SMIM12: variants seen among roughly 807,000 people sequenced by gnomAD.
SMIM12 encodes the protein small integral membrane protein 12, also known as UPF0767 protein C1orf212.
Under a neutral mutation model 6.3 loss-of-function variants are expected in SMIM12, and 5 were observed. The observed-to-expected ratio is 0.80, with a 90% confidence interval of 0.42 to 1.68. SMIM12 has a LOEUF of 1.68. Ranked by LOEUF, SMIM12 falls within the 40% of genes most tolerant of loss-of-function variation. SMIM12 has a pLI of 0.02. For missense variants in SMIM12, 103 were observed against 121.4 expected, an observed-to-expected ratio of 0.85 and a Z score of 0.71; for synonymous variants, 51 against 48.0, an observed-to-expected ratio of 1.06 and a Z score of -0.26.
In SMIM12 at chr1:34,854,009, A is replaced by AACAAC. The variant is rs67992895; in HGVS notation, c.*1689_*1690insGTTGT. 0.28 allele frequency: 34,711 copies of AACAAC among 125,494 alleles called. 5,243 individuals carry two copies. The highest frequency in any genetic ancestry group is 0.81 in the East Asian group (3,894 of 4,826). The allele number at this position is 125,494 out of a possible 1,614,324, so 7.8% of individuals were successfully genotyped here. A position where few individuals can be genotyped will look rare whatever the true frequency, so the allele number is the denominator to read the frequency against. ...AAAACAACAACAACAACAACAACAA[A>AACAAC]AAAAAACTACAGACTGCCAGGCACG... On this transcript the variant is annotated 3_prime_UTR_variant, in exon 2 of 2. Coordinates refer to ENST00000521580, the MANE Select transcript of SMIM12 (RefSeq NM_138428.6).
chr1:34,856,014 C>A, intron 1 of SMIM12, 32 bp from the exon 2 acceptor site: 1 of 1,512,458 alleles, frequency 6.6e-7, no homozygotes, highest in Non-Finnish European at 8.9e-7. Context: ...CATTAGAGAA[C>A]CCAGCATCAT....
Position 34,853,376 on chromosome 1 carries a change from T to G in SMIM12, c.*2323A>C, listed in dbSNP as rs1355206604. ...TCTTATGCTTCTTCCTGCTCTCTGC[T>G]TTTACTCCCCTCACAGCCTTACCAG... On this transcript the variant is annotated 3_prime_UTR_variant, in exon 2 of 2. Transcript: ENST00000521580. 2 of 152,270 alleles carry G rather than the reference T, an allele frequency of 1.3e-5. No individual in the cohort carries two copies. The highest frequency in any genetic ancestry group is 4.8e-5 in the African/African-American group (2 of 41,464). The allele number at this position is 152,270 out of a possible 1,614,324, so 9.4% of individuals were successfully genotyped here. A position where few individuals can be genotyped will look rare whatever the true frequency, so the allele number is the denominator to read the frequency against.
rs1638578028 is a variant in SMIM12 at position 34,854,518 on chromosome 1, G to A, written c.*1181C>T. ...GCCCAGGAGGTCAAGGTTGCACTGA[G>A]CCGTAATTGTACTGCACTCCAGCCT... On this transcript the variant is annotated 3_prime_UTR_variant, in exon 2 of 2. Coordinates refer to ENST00000521580, the MANE Select transcript of SMIM12 (RefSeq NM_138428.6). 6.6e-6 allele frequency: 1 copy of A among 152,112 alleles called. No homozygotes were observed. The highest frequency in any genetic ancestry group is 2.1e-4 in the South Asian group (1 of 4,814). 9.4% of individuals were successfully genotyped at this position (152,112 alleles called of 1,614,324 possible). A position where few individuals can be genotyped will look rare whatever the true frequency, so the allele number is the denominator to read the frequency against.
rs1179020236 is a variant in SMIM12 at position 34,855,986 on chromosome 1, C to A, written c.-5-4G>T. The A allele has an allele frequency of 6.5e-7, 1 of 1,537,316 alleles. No homozygotes were observed. On this transcript the variant is annotated splice_polypyrimidine_tract_variant and splice_region_variant and intron_variant, in intron 1 of 1. Coordinates refer to ENST00000521580, the MANE Select transcript of SMIM12 (RefSeq NM_138428.6). ...CAAAACACAGGCCACATGACATCTG[C>A]GGAAAAGCACAAGGCAGCATTAGAG...
In SMIM12 at chr1:34,855,897, C is replaced by T; in HGVS notation, c.81G>A (p.Val27=). The T allele has an allele frequency of 1.9e-6, 3 of 1,551,678 alleles. No homozygotes were observed. Among genetic ancestry groups the T allele is most frequent in the Non-Finnish European group, 1.7e-6 (2 of 1,147,000 alleles). The part of the protein sequence containing the change: ...TFPVAFVVGA[V]GYHLEWFIRG... ...TGATGAACCATTCCAGGTGGTAACCCACAGCCCCGACCACGAAGGCAACAG... is the reference window on the plus strand; with the variant it reads ...TGATGAACCATTCCAGGTGGTAACCTACAGCCCCGACCACGAAGGCAACAG... Residue 27 remains valine, a synonymous_variant, in exon 2 of 2, where the codon GTG becomes GTA. Coordinates refer to ENST00000521580, the MANE Select transcript of SMIM12 (RefSeq NM_138428.6).
chr1:34,859,551 C>T (rs2148386107), intron 1 of SMIM12, 126 bp downstream of exon 1: 1 of 152,590 alleles, frequency 6.6e-6, no homozygotes, highest in East Asian at 1.9e-4. Flanking sequence ...CACCAGAACA[C>T]CCGCCAGAGA....
In SMIM12 at chr1:34,850,597, AAGG is replaced by A. The variant is rs34739018; in HGVS notation, c.*5099_*5101del. The stretch of plus-strand genomic sequence containing the variant: ...GACTGGCTGCCATCCCAACTAGATA[AAGG>A]AGGTTTTACTGGGCTGTAATATCTA... On this transcript the variant is annotated 3_prime_UTR_variant, in exon 2 of 2. Coordinates refer to ENST00000521580, the MANE Select transcript of SMIM12 (RefSeq NM_138428.6). 38,229 of 151,958 alleles carry A rather than the reference AAGG, an allele frequency of 0.25. 5,649 individuals carry two copies. The highest frequency in any genetic ancestry group is 0.36 in the Middle Eastern group (105 of 294). 9.4% of individuals were successfully genotyped at this position (151,958 alleles called of 1,614,324 possible).
Position 34,855,069 on chromosome 1 carries a change from T to C in SMIM12, c.*630A>G. The C allele has an allele frequency of 7.8e-7, 1 of 1,276,386 alleles. No individual in the cohort carries two copies. Among genetic ancestry groups the C allele is most frequent in the South Asian group, 1.4e-5 (1 of 72,604 alleles). The allele number at this position is 1,276,386 out of a possible 1,614,324, so 79.1% of individuals were successfully genotyped here. On this transcript the variant is annotated 3_prime_UTR_variant, in exon 2 of 2. Coordinates refer to ENST00000521580, the MANE Select transcript of SMIM12 (RefSeq NM_138428.6). Reference sequence around the variant, plus strand: ...TTATGGTTCTCAGATACCACTTTAATCAGGTTTTTCACTATACAGTGATGG... The same window carrying C: ...TTATGGTTCTCAGATACCACTTTAACCAGGTTTTTCACTATACAGTGATGG...
At chr1:34,859,026 A>T (rs913391360) in intron 1 of SMIM12, 1 of 151,388 alleles carries the variant, frequency 6.6e-6, no homozygotes, top group African/African-American at 2.4e-5. Flanking sequence ...TCCTCCACCC[A>T]CTCTCCCCCA....
In SMIM12 at chr1:34,851,995, C is replaced by T. The variant is rs1022954432; in HGVS notation, c.*3704G>A. Reference sequence around the variant, plus strand: ...CTGTCTATACCCACGTCCACATAAACCTTGCTATCTAATGTCACCCGAGCA... The same window carrying T: ...CTGTCTATACCCACGTCCACATAAATCTTGCTATCTAATGTCACCCGAGCA... On this transcript the variant is annotated 3_prime_UTR_variant, in exon 2 of 2. Transcript: ENST00000521580. Among the ~76,000 whole-genome samples, 1 of 152,224 alleles carries T rather than the reference C, an allele frequency of 6.6e-6. No individual in the cohort carries two copies. Among genetic ancestry groups the T allele is most frequent in the East Asian group, 1.9e-4 (1 of 5,196 alleles).
At position 34,855,894 on chromosome 1, in the gene SMIM12, A is replaced by C. The variant is rs1321581241; in HGVS notation, c.84T>G (p.Gly28=). Residue 28 remains glycine (G), a synonymous_variant, in exon 2 of 2, where the codon GGT becomes GGG. Transcript: ENST00000521580. Reference sequence around the variant, plus strand: ...CCCTGATGAACCATTCCAGGTGGTAACCCACAGCCCCGACCACGAAGGCAA... The same window carrying C: ...CCCTGATGAACCATTCCAGGTGGTACCCCACAGCCCCGACCACGAAGGCAA... ...FPVAFVVGAV[G]YHLEWFIRGK... is the part of the protein sequence containing the mutation. 1 of 1,551,532 alleles carries C rather than the reference A, an allele frequency of 6.4e-7. No individual in the cohort carries two copies. Among genetic ancestry groups the C allele is most frequent in the East Asian group, 2.4e-5 (1 of 40,918 alleles).
rs34535449 is a variant in SMIM12 at position 34,852,463 on chromosome 1, C to CAAAAAAA, written c.*3229_*3235dup. 2.4e-5 allele frequency among the ~76,000 whole-genome samples: 2 copies of CAAAAAAA among 81,778 alleles called. No individual in the cohort carries two copies. Among genetic ancestry groups the CAAAAAAA allele is most frequent in the Non-Finnish European group, 2.3e-5 (1 of 43,046 alleles). The allele number at this position is 81,778 out of a possible 152,430, so 53.6% of individuals were successfully genotyped here. ...TATTTGTAACAAGTTGTTAGATCGC[C>CAAAAAAA]AAAAAAAAAAAAAAAAAAAAAACCA... On this transcript the variant is annotated 3_prime_UTR_variant, in exon 2 of 2. Coordinates refer to ENST00000521580, the MANE Select transcript of SMIM12 (RefSeq NM_138428.6).
At position 34,852,867 on chromosome 1, in the gene SMIM12, G is replaced by A. The variant is rs1258883529; in HGVS notation, c.*2832C>T. On this transcript the variant is annotated 3_prime_UTR_variant, in exon 2 of 2. Transcript: ENST00000521580. ...CTAGTGTTTGGTTTAGCCCAGGGAA[G>A]TGACTGCAGGCTTGGTAATGCCCAG... The A allele has an allele frequency of 6.6e-6, 1 of 152,382 alleles. No homozygotes were observed. The highest frequency in any genetic ancestry group is 1.9e-4 in the East Asian group (1 of 5,186). The allele number at this position is 152,382 out of a possible 1,614,324, so 9.4% of individuals were successfully genotyped here.
chr1:34,855,521 C>T lies in SMIM12; in HGVS notation c.*178G>A, dbSNP rs151074017. ...GCGGCCTTCCTCTTCACTGGCCCCT[C>T]GGCTGCTGCTGGGTCTGCCTGGCCA... On this transcript the variant is annotated 3_prime_UTR_variant, in exon 2 of 2. Transcript: ENST00000521580. The T allele has an allele frequency of 5.0e-6, 8 of 1,611,070 alleles. No individual in the cohort carries two copies. In the East Asian group the frequency reaches 6.7e-5, roughly 14 times the overall value.
chr1:34,852,463 C>CAAA lies in SMIM12; in HGVS notation c.*3233_*3235dup, dbSNP rs34535449. ...TATTTGTAACAAGTTGTTAGATCGC[C>CAAA]AAAAAAAAAAAAAAAAAAAAAACCA... On this transcript the variant is annotated 3_prime_UTR_variant, in exon 2 of 2. Transcript: ENST00000521580. Among the ~76,000 whole-genome samples, 12,240 of 77,974 alleles carry CAAA rather than the reference C, an allele frequency of 0.16. 903 individuals are homozygous for CAAA. Among genetic ancestry groups the CAAA allele is most frequent in the Non-Finnish European group, 0.2 (8,054 of 40,532 alleles). 51.2% of individuals were successfully genotyped at this position (77,974 alleles called of 152,430 possible).
In SMIM12 at chr1:34,855,465, C is replaced by G. The variant is rs1385480760; in HGVS notation, c.*234G>C. On this transcript the variant is annotated 3_prime_UTR_variant, in exon 2 of 2. Coordinates refer to ENST00000521580, the MANE Select transcript of SMIM12 (RefSeq NM_138428.6). The stretch of plus-strand genomic sequence containing the variant: ...AGCAGTGCACCAGTAAACTCAGATG[C>G]CTGAGTGCTTGTGGCCACCACACAA... 6.3e-7 allele frequency: 1 copy of G among 1,593,608 alleles called. No individual in the cohort carries two copies. The highest frequency in any genetic ancestry group is 1.1e-5 in the South Asian group (1 of 90,078).
In SMIM12 at chr1:34,855,383, C is replaced by A; in HGVS notation, c.*316G>T. On this transcript the variant is annotated 3_prime_UTR_variant, in exon 2 of 2. Transcript: ENST00000521580. ...AAATCCCAGCCATTCCCACTAGAGG[C>A]CAAACCGCCTGCCCACAGAGATTGA... 1 of 1,475,112 alleles carries A rather than the reference C, an allele frequency of 6.8e-7. No individual in the cohort carries two copies. The highest frequency in any genetic ancestry group is 9.2e-7 in the Non-Finnish European group (1 of 1,091,646). 91.4% of individuals were successfully genotyped at this position (1,475,112 alleles called of 1,614,324 possible). A position where few individuals can be genotyped will look rare whatever the true frequency, so the allele number is the denominator to read the frequency against.
rs1638626975 is a variant in SMIM12 at position 34,855,698 on chromosome 1, A to G, written c.*1T>C. The G allele has an allele frequency of 1.9e-6, 3 of 1,613,192 alleles. No individual in the cohort carries two copies. The East Asian group carries it at 6.7e-5, about 36-fold the overall frequency. ...AGGACCATAGGGCCCTGTGTCCTCC[A>G]TTAATTCTTCTCTGGGCGGTTTCTG... On this transcript the variant is annotated 3_prime_UTR_variant, in exon 2 of 2. Coordinates refer to ENST00000521580, the MANE Select transcript of SMIM12 (RefSeq NM_138428.6).
chr1:34,855,063 C>T lies in SMIM12; in HGVS notation c.*636G>A. The T allele has an allele frequency of 7.8e-7, 1 of 1,276,176 alleles. No homozygotes were observed. Among genetic ancestry groups the T allele is most frequent in the Non-Finnish European group, 1.0e-6 (1 of 978,556 alleles). 79.1% of individuals were successfully genotyped at this position (1,276,176 alleles called of 1,614,324 possible). Reference sequence around the variant, plus strand: ...CGATCATTATGGTTCTCAGATACCACTTTAATCAGGTTTTTCACTATACAG... The same window carrying T: ...CGATCATTATGGTTCTCAGATACCATTTTAATCAGGTTTTTCACTATACAG... On this transcript the variant is annotated 3_prime_UTR_variant, in exon 2 of 2. Transcript: ENST00000521580.
Sources: allele counts gnomAD v4.1 joint callset (sites outside exome capture counted in the v4.1 genomes callset), GRCh38; gene constraint gnomAD v4.1.1; transcripts MANE v1.5; gene names NCBI Gene and HGNC (gene_info 2026-07-23, HGNC 2026-07-21).